Variants in RAD54L2 observed in about 807,000 individuals in gnomAD.
RAD54L2 encodes RAD54 like 2.
In RAD54L2, 27 loss-of-function variants were observed where a neutral mutation model predicts 138.4. The observed-to-expected ratio is 0.20, with a 90% CI of 0.14 to 0.27. RAD54L2 has a LOEUF of 0.27. Among genes scored for constraint, RAD54L2 ranks in the 10% least tolerant of loss-of-function variants. The pLI is 1.00. For missense variants in RAD54L2, 1,396 were observed against 1,890.2 expected (o/e 0.74, Z 4.85); for synonymous variants, 644 against 723.2 (o/e 0.89, Z 1.76).
At position 51,641,318 on chromosome 3, in the gene RAD54L2, T is replaced by C. The variant is rs1027083557; in HGVS notation, c.2232-431T>C. On this transcript the variant is annotated intron_variant, in intron 14 of 22. Coordinates refer to ENST00000684192, the MANE Select transcript of RAD54L2 (RefSeq NM_015106.4). ...CTGTTCCCGACCTAGAGTTACCCCC[T>C]TTTTTTTTTTTTTCTCCTGAGACAG... Among the ~76,000 whole-genome samples the C allele has an allele frequency of 2.5e-3, 347 of 139,968 alleles. 2 individuals carry two copies. Among genetic ancestry groups the C allele is most frequent in the African/African-American group, 6.4e-3 (243 of 38,068 alleles). The allele number at this position is 139,968 out of a possible 152,430, so 91.8% of individuals were successfully genotyped here.
intron 2 of RAD54L2, among the ~76,000 whole-genome samples, chr3:51,568,988 G>A (rs1699277142): frequency 6.6e-6 from 1 of 152,172 alleles, no homozygotes; most frequent in Admixed American, 6.6e-5. Context: ...AACAAATGGG[G>A]TCAGCATTCC....
intron 3 of RAD54L2, among the ~76,000 whole-genome samples, chr3:51,607,501 A>G (rs948999152): frequency 2.6e-5 from 4 of 152,188 alleles, no homozygotes; most frequent in African/African-American, 9.7e-5. Flanking sequence ...TCCTATGTCT[A>G]CTTCTTTCTA....
intron 19 of RAD54L2, among the ~76,000 whole-genome samples, chr3:51,648,149 G>A (rs557495682): frequency 3.3e-5 from 5 of 152,256 alleles, no homozygotes; most frequent in South Asian, 4.2e-4. Flanking sequence ...ATTATATCCC[G>A]CACCTGTCTC....
rs763438325 is a variant in RAD54L2 at position 51,646,536 on chromosome 3, A to G, written c.3026+55A>G. 1.0e-5 allele frequency: 15 copies of G among 1,438,534 alleles called. No homozygotes were observed. The Admixed American group carries it at 2.9e-4, about 28-fold the overall frequency. The allele number at this position is 1,438,534 out of a possible 1,614,324, so 89.1% of individuals were successfully genotyped here. On this transcript the variant is annotated intron_variant, in intron 19 of 22. Transcript: ENST00000684192. Reference sequence around the variant, plus strand: ...CTGGGCCAGGCACAAACACCTTTCAACTTGTTCATATTTTAAATAAAGGCA... The same window carrying G: ...CTGGGCCAGGCACAAACACCTTTCAGCTTGTTCATATTTTAAATAAAGGCA...
At chr3:51,658,366 C>T (rs1314506967) in intron 21 of RAD54L2, among the ~76,000 whole-genome samples, 1 of 152,068 alleles carries the variant, frequency 6.6e-6, no homozygotes, top group Non-Finnish European at 1.5e-5. Flanking sequence ...GGTGGGGGTC[C>T]CCTGATAGGA....
At chr3:51,629,919 C>T (rs1700797486) in intron 5 of RAD54L2, among the ~76,000 whole-genome samples, 1 of 152,098 alleles carries the variant, frequency 6.6e-6, no homozygotes, top group Non-Finnish European at 1.5e-5. Flanking sequence ...CCTTTAAAGT[C>T]ATTCAGCTTC....
intron 16 of RAD54L2, among the ~76,000 whole-genome samples, chr3:51,644,416 G>A (rs924032132): frequency 6.6e-6 from 1 of 152,142 alleles, no homozygotes; most frequent in African/African-American, 2.4e-5. Context: ...CTGCAATCCA[G>A]CCTAAGCGAC....
In RAD54L2 at chr3:51,595,714, G is replaced by A. The variant is rs145519266; in HGVS notation, c.139+5155G>A. Among the ~76,000 whole-genome samples, 219 of 152,226 alleles carry A rather than the reference G, an allele frequency of 1.4e-3. 2 individuals carry two copies. Among genetic ancestry groups the A allele is most frequent in the African/African-American group, 5.0e-3 (209 of 41,558 alleles). ...GTTTATAACATGTTAAAGGACCCAT[G>A]ACATGTTGTGAGACATTTTGGATTT... is the stretch of plus-strand genomic sequence containing the variant. On this transcript the variant is annotated intron_variant, in intron 3 of 22. Transcript: ENST00000684192.
At position 51,620,382 on chromosome 3, in the gene RAD54L2, A is replaced by T. The variant is rs149130727; in HGVS notation, c.140-7171A>T. On this transcript the variant is annotated intron_variant, in intron 3 of 22. Coordinates refer to ENST00000684192, the MANE Select transcript of RAD54L2 (RefSeq NM_015106.4). ...CCAGAATGCTGGGATTACAGGCGTG[A>T]TCCACTGGGCCTGGTCCTACTGGTC... is the stretch of plus-strand genomic sequence containing the variant. Among the ~76,000 whole-genome samples the T allele has an allele frequency of 1.4e-4, 17 of 125,380 alleles. No homozygotes were observed. In the East Asian group the frequency reaches 4.2e-3, roughly 31 times the overall value. 82.3% of individuals were successfully genotyped at this position (125,380 alleles called of 152,430 possible).
chr3:51,540,576 G>T (rs1698525322), intron 1 of RAD54L2, among the ~76,000 whole-genome samples: 1 of 152,222 alleles, frequency 6.6e-6, no homozygotes, highest in African/African-American at 2.4e-5. Flanking sequence ...AACAAAAACA[G>T]TATCAGAATC....
At chr3:51,569,754 A>G (rs1221542749) in intron 2 of RAD54L2, among the ~76,000 whole-genome samples, 1 of 152,020 alleles carries the variant, frequency 6.6e-6, no homozygotes, top group Non-Finnish European at 1.5e-5. Flanking sequence ...TTTGATGGAT[A>G]TATTTGTGCA....
chr3:51,576,107 A>G (rs1317648949), intron 2 of RAD54L2, among the ~76,000 whole-genome samples: 2 of 152,184 alleles, frequency 1.3e-5, no homozygotes, highest in African/African-American at 4.8e-5. Flanking sequence ...TGAGATAGAC[A>G]TGTGGTTTTT....
intron 3 of RAD54L2, among the ~76,000 whole-genome samples, chr3:51,592,069 T>G (rs1216242602): frequency 9.0e-5 from 12 of 132,758 alleles, no homozygotes; most frequent in South Asian, 2.6e-4. Context: ...TTTTTTTTTT[T>G]TTTTTTTTTT....
intron 3 of RAD54L2, among the ~76,000 whole-genome samples, chr3:51,598,706 A>C (rs1422157052): frequency 6.6e-6 from 1 of 152,162 alleles, no homozygotes; most frequent in African/African-American, 2.4e-5. Flanking sequence ...CAGTGAGCCA[A>C]GATTGTACCA....
intron 3 of RAD54L2, among the ~76,000 whole-genome samples, chr3:51,606,316 A>G (rs990380825): frequency 6.6e-6 from 1 of 152,184 alleles, no homozygotes; most frequent in African/African-American, 2.4e-5. Flanking sequence ...GGAGGCAGAG[A>G]GACTATGTGG....
chr3:51,591,210 A>T (rs1038218004), intron 3 of RAD54L2, among the ~76,000 whole-genome samples: 6 of 152,118 alleles, frequency 3.9e-5, no homozygotes, highest in Non-Finnish European at 5.9e-5. Context: ...TTGAAATGGC[A>T]TTGAACTTTT....
intron 19 of RAD54L2, among the ~76,000 whole-genome samples, chr3:51,651,187 G>A (rs1701424765): frequency 6.6e-6 from 1 of 152,078 alleles, no homozygotes; most frequent in Non-Finnish European, 1.5e-5. Flanking sequence ...AAAATCTAGA[G>A]GAAATGGATA....
At chr3:51,659,951 G>A (rs141421142) in intron 21 of RAD54L2, 75 bp from the exon 22 acceptor site, 36 of 1,118,526 alleles carry the variant, frequency 3.2e-5, no homozygotes, top group Admixed American at 1.6e-4. Flanking sequence ...AGCCCACGGC[G>A]CACAGCCTGG....
intron 9 of RAD54L2, among the ~76,000 whole-genome samples, chr3:51,635,198 A>G (rs915516187): frequency 6.6e-6 from 1 of 152,242 alleles, no homozygotes; most frequent in African/African-American, 2.4e-5. Flanking sequence ...CCAGGCAAGT[A>G]AACTGCAGAA....
Sources: gnomAD v4.1 joint callset for allele counts (sites outside exome capture counted in the v4.1 genomes callset) on GRCh38, gnomAD v4.1.1 for gene constraint, MANE v1.5 for transcripts, NCBI Gene and HGNC (gene_info 2026-07-23, HGNC 2026-07-21) for gene names.